Variants in RIOX2 observed in about 807,000 individuals in gnomAD.
RIOX2 encodes the protein ribosomal oxygenase 2, also known as 60S ribosomal protein L27a histidine hydroxylase.
A neutral mutation model predicts 51.2 loss-of-function variants in RIOX2; 43 were observed. The observed-to-expected ratio is 0.84, with a 90% CI of 0.66 to 1.08. The LOEUF (loss-of-function observed/expected upper bound fraction) is 1.08, where lower values mean the gene tolerates loss of function less well. Among genes scored for constraint, RIOX2 ranks in the 50% least tolerant of loss-of-function variants. The pLI, the probability that RIOX2 is intolerant of heterozygous loss-of-function variation, is 0.00. For synonymous variants in RIOX2, 226 were observed against 218.5 expected, an observed-to-expected ratio of 1.03 and a Z score of -0.30; for missense variants, 566 against 561.7, an observed-to-expected ratio of 1.01 and a Z score of -0.08.
rs2040270250 is a variant in RIOX2 at position 97,943,197 on chromosome 3, A to C, written c.*1987T>G. 1 of 1,321,580 alleles carries C rather than the reference A, an allele frequency of 7.6e-7. No individual in the cohort carries two copies. Among genetic ancestry groups the C allele is most frequent in the South Asian group, 1.2e-5 (1 of 81,576 alleles). The allele number at this position is 1,321,580 out of a possible 1,614,324, so 81.9% of individuals were successfully genotyped here. A position where few individuals can be genotyped will look rare whatever the true frequency, so the allele number is the denominator to read the frequency against. On this transcript the variant is annotated 3_prime_UTR_variant, in exon 10 of 10. Coordinates refer to ENST00000394198, the MANE Select transcript of RIOX2 (RefSeq NM_153182.4). ...TTGCTAAGCACCTGCCTGAACAAAT[A>C]ATCTTTTCTTTTGGAATTTCTATTT...
Position 97,942,450 on chromosome 3 carries a change from C to T in RIOX2, c.*2734G>A, listed in dbSNP as rs770918821. The T allele has an allele frequency of 1.2e-6, 2 of 1,604,020 alleles. No homozygotes were observed. The highest frequency in any genetic ancestry group is 2.2e-5 in the South Asian group (2 of 89,530). On this transcript the variant is annotated 3_prime_UTR_variant, in exon 10 of 10. Transcript: ENST00000394198. ...CTTGTCCTTGATGTTAAAGGTGGGC[C>T]TTTGATGATACCCAATGTTGTGTCC...
chr3:97,942,070 A>G lies in RIOX2; in HGVS notation c.*3114T>C, dbSNP rs762169815. The G allele has an allele frequency of 4.0e-5, 14 of 354,176 alleles. No individual in the cohort carries two copies. Among genetic ancestry groups the G allele is most frequent in the Non-Finnish European group, 6.0e-5 (12 of 198,616 alleles). The allele number at this position is 354,176 out of a possible 1,614,324, so 21.9% of individuals were successfully genotyped here. ...CATCCTATTAAAAACAAGTACCTCT[A>G]TTTCAGTTGGTTTATTTCTGTACCA... is the stretch of plus-strand genomic sequence containing the variant. On this transcript the variant is annotated 3_prime_UTR_variant, in exon 10 of 10. Transcript: ENST00000394198.
intron 4 of RIOX2, among the ~76,000 whole-genome samples, chr3:97,956,012 C>T (rs1303412180): frequency 6.6e-6 from 1 of 152,198 alleles, no homozygotes; most frequent in African/African-American, 2.4e-5. Flanking sequence ...GTGAGCCCGT[C>T]AGTGATGGTA....
chr3:97,942,134 CT>C lies in RIOX2; in HGVS notation c.*3049del. 1.9e-6 allele frequency: 1 copy of C among 523,204 alleles called. No homozygotes were observed. Among genetic ancestry groups the C allele is most frequent in the East Asian group, 3.3e-5 (1 of 30,502 alleles). The allele number at this position is 523,204 out of a possible 1,614,324, so 32.4% of individuals were successfully genotyped here. A position where few individuals can be genotyped will look rare whatever the true frequency, so the allele number is the denominator to read the frequency against. On this transcript the variant is annotated 3_prime_UTR_variant, in exon 10 of 10. Coordinates refer to ENST00000394198, the MANE Select transcript of RIOX2 (RefSeq NM_153182.4). ...GCCGTAAAGAAGACATTAAAAAAGG[CT>C]TACTGAAATTATACTATATAGTATT...
At chr3:97,963,972 A>G (rs1705778587) in intron 2 of RIOX2, among the ~76,000 whole-genome samples, 1 of 152,198 alleles carries the variant, frequency 6.6e-6, no homozygotes, top group Admixed American at 6.5e-5. Context: ...ACAACTTATC[A>G]CAAATCCTAT....
chr3:97,942,433 T>C lies in RIOX2; in HGVS notation c.*2751A>G. The C allele has an allele frequency of 6.2e-7, 1 of 1,610,050 alleles. No individual in the cohort carries two copies. Among genetic ancestry groups the C allele is most frequent in the South Asian group, 1.1e-5 (1 of 90,590 alleles). ...CTTATCTCAGTGATCAACTTGTCCT[T>C]GATGTTAAAGGTGGGCCTTTGATGA... On this transcript the variant is annotated 3_prime_UTR_variant, in exon 10 of 10. Transcript: ENST00000394198.
chr3:97,959,129 G>A lies in RIOX2; in HGVS notation c.603C>T (p.Pro201=). 2 of 1,613,986 alleles carry A rather than the reference G, an allele frequency of 1.2e-6. No homozygotes were observed. The highest frequency in any genetic ancestry group is 1.7e-6 in the Non-Finnish European group (2 of 1,179,958). ...EGEKHWRLYH[P]TVPLAREYSV... is the part of the protein sequence containing the mutation. ...TGTACTCTCGTGCCAGGGGCACAGTGGGGTGGTAGAGGCGCCAGTGTTTCT... is the reference window on the plus strand; with the variant it reads ...TGTACTCTCGTGCCAGGGGCACAGTAGGGTGGTAGAGGCGCCAGTGTTTCT... Residue 201 remains proline (P), a synonymous_variant, in exon 4 of 10, where the codon CCC becomes CCT. Transcript: ENST00000394198.
chr3:97,945,469 C>G, intron 9 of RIOX2, 127 bp from the exon 10 acceptor site: 1 of 807,264 alleles, frequency 1.2e-6, no homozygotes, highest in Non-Finnish European at 1.9e-6. Flanking sequence ...TTTAGACACA[C>G]TACAATTAGA....
chr3:97,959,057 CATAA>C lies in RIOX2; in HGVS notation c.671_674del (p.Phe224CysfsTer2). The C allele has an allele frequency of 6.2e-7, 1 of 1,612,262 alleles. No individual in the cohort carries two copies. The highest frequency in any genetic ancestry group is 8.5e-7 in the Non-Finnish European group (1 of 1,179,118). On this transcript the variant is annotated frameshift_variant, in exon 4 of 10. Transcript: ENST00000394198. LOFTEE classifies it high-confidence loss of function. ...CACAACGGTTATCACATACCTTCAG[CATAA>C]ACTCATGCACCGGCCTGCCGATCCT...
At chr3:97,965,373 A>C (rs966059397) in intron 2 of RIOX2, among the ~76,000 whole-genome samples, 2 of 152,060 alleles carry the variant, frequency 1.3e-5, no homozygotes, top group Non-Finnish European at 2.9e-5. Context: ...TTAGCCAGGC[A>C]TGGTGGTATG....
Position 97,943,785 on chromosome 3 carries a change from C to T in RIOX2, c.*1399G>A, listed in dbSNP as rs1340279630. 6.5e-6 allele frequency: 1 copy of T among 153,872 alleles called. No homozygotes were observed. Among genetic ancestry groups the T allele is most frequent in the Non-Finnish European group, 1.4e-5 (1 of 69,562 alleles). The allele number at this position is 153,872 out of a possible 1,614,324, so 9.5% of individuals were successfully genotyped here. The stretch of plus-strand genomic sequence containing the variant: ...ACAGATGAGTAATTTTTTAGCAACA[C>T]CTGAAAATATACTAAACTTTCCTAG... On this transcript the variant is annotated 3_prime_UTR_variant, in exon 10 of 10. Transcript: ENST00000394198.
intron 7 of RIOX2, among the ~76,000 whole-genome samples, chr3:97,947,786 G>A (rs1291259829): frequency 6.6e-6 from 1 of 152,192 alleles, no homozygotes; most frequent in African/African-American, 2.4e-5. Context: ...CACTCCTCCA[G>A]GTTCTGTCCT....
intron 5 of RIOX2, among the ~76,000 whole-genome samples, chr3:97,951,819 C>T (rs749671881): frequency 5.9e-5 from 9 of 152,204 alleles, no homozygotes; most frequent in Non-Finnish European, 1.3e-4. Flanking sequence ...GGCCTCACTG[C>T]TTTGTGACTT....
rs1223620815 is a variant in RIOX2 at position 97,972,338 on chromosome 3, G to C, written c.-40+43C>G. 7.2e-5 allele frequency: 11 copies of C among 152,026 alleles called. No individual in the cohort carries two copies. In the East Asian group the frequency reaches 2.2e-3, roughly 30 times the overall value. The allele number at this position is 152,026 out of a possible 1,614,324, so 9.4% of individuals were successfully genotyped here. On this transcript the variant is annotated intron_variant, in intron 1 of 9. Coordinates refer to ENST00000394198, the MANE Select transcript of RIOX2 (RefSeq NM_153182.4). ...GCCCCGCGGGATCGGGCACTACCCGGCCTGCCCCGGCGCTGGGATGCCCAC... is the reference window on the plus strand; with the variant it reads ...GCCCCGCGGGATCGGGCACTACCCGCCCTGCCCCGGCGCTGGGATGCCCAC...
chr3:97,967,429 G>T lies in RIOX2; in HGVS notation c.165C>A (p.Phe55Leu). ...GGGGCTTCTGCTCCCAGAATTCCTT[G>T]AAAAAAGTCTCTGTCTTGATGGGCG... ...LISPIKTETF[F>L]KEFWEQKPLL... Residue 55 changes from phenylalanine to leucine, a missense_variant, in exon 2 of 10, where the codon TTC becomes TTA. Transcript: ENST00000394198. 2 of 1,613,870 alleles carry T rather than the reference G, an allele frequency of 1.2e-6. No homozygotes were observed. Among genetic ancestry groups the T allele is most frequent in the Non-Finnish European group, 1.7e-6 (2 of 1,179,958 alleles).
At chr3:97,954,964 A>G (rs1387252077) in intron 4 of RIOX2, among the ~76,000 whole-genome samples, 1 of 152,226 alleles carries the variant, frequency 6.6e-6, no homozygotes, top group East Asian at 1.9e-4. Context: ...TGTAAAATGA[A>G]GTTTAATAGC....
chr3:97,954,826 C>T lies in RIOX2; in HGVS notation c.682-331G>A, dbSNP rs528188692. Among the ~76,000 whole-genome samples the T allele has an allele frequency of 8.5e-5, 13 of 152,244 alleles. No individual in the cohort carries two copies. In the South Asian group the frequency reaches 2.1e-3, roughly 24 times the overall value. ...AAGGTAACATCCTGTGCCTGGGACG[C>T]CTGCTTCCTCCCTCTTGCATGCTTC... On this transcript the variant is annotated intron_variant, in intron 4 of 9. Transcript: ENST00000394198.
chr3:97,947,375 C>T lies in RIOX2; in HGVS notation c.1135G>A (p.Asp379Asn), dbSNP rs1445709452. 3.1e-6 allele frequency: 5 copies of T among 1,612,782 alleles called. No homozygotes were observed. The South Asian group carries it at 5.5e-5, about 18-fold the overall frequency. The stretch of plus-strand genomic sequence containing the variant: ...TGGATACTCACAGATTGATCTTGAT[C>T]CGGCAGTACTGTGAGGACAATGTGG... ...KDHIVLTVLP[D>N]QDQSDEAQEK... The change falls in exon 8 of 10, where the codon GAT becomes AAT. Residue 379 changes from aspartate (D) to asparagine (N), a missense_variant. By Grantham distance (23) the Asp-to-Asn change is conservative. Transcript: ENST00000394198.
intron 4 of RIOX2, 71 bp from the exon 5 acceptor site, chr3:97,954,566 G>A (rs1705386067): frequency 8.0e-7 from 1 of 1,248,948 alleles, no homozygotes; most frequent in Non-Finnish European, 1.2e-6. Context: ...ATTTCAGGGA[G>A]ATAAATATGG....
Sources: allele counts gnomAD v4.1 joint callset (sites outside exome capture counted in the v4.1 genomes callset), GRCh38; gene constraint gnomAD v4.1.1; transcripts MANE v1.5; gene names NCBI Gene and HGNC (gene_info 2026-07-23, HGNC 2026-07-21).